The following MEIG1 variants were observed in gnomAD, a reference collection of about 807,000 sequenced individuals.
MEIG1 encodes the protein meiosis expressed gene 1 protein homolog.
Under a neutral mutation model 11.3 loss-of-function variants are expected in MEIG1, and 12 were observed. The observed-to-expected ratio is 1.07, with a 90% CI of 0.68 to 1.73. The LOEUF (loss-of-function observed/expected upper bound fraction) is 1.73, where lower values mean the gene tolerates loss of function less well. Among genes scored for constraint, MEIG1 ranks in the 40% most tolerant of loss-of-function variants. MEIG1 has a pLI of 0.00. For missense variants in MEIG1, 119 were observed against 104.9 expected (o/e 1.13, Z -0.59); for synonymous variants, 41 against 33.2 (o/e 1.24, Z -0.81).
chr10:14,985,365 G>A (rs749467981), intron 1 of MEIG1, among the ~76,000 whole-genome samples: 2 of 151,926 alleles, frequency 1.3e-5, no homozygotes, highest in Non-Finnish European at 2.9e-5. Flanking sequence ...CTAAAGGGAC[G>A]TTACTAGTAA....
chr10:14,981,363 C>A (rs1382894249), intron 1 of MEIG1, among the ~76,000 whole-genome samples: 1 of 152,126 alleles, frequency 6.6e-6, no homozygotes, highest in Non-Finnish European at 1.5e-5. Flanking sequence ...TGGCTCTCAG[C>A]TTGCTGAGCA....
chr10:14,958,479 G>A (rs1213111975), upstream of MEIG1, among the ~76,000 whole-genome samples: 1 of 152,170 alleles, frequency 6.6e-6, no homozygotes, highest in African/African-American at 2.4e-5. Context: ...TTAACAACGA[G>A]CTCAGAAAAA....
chr10:14,983,900 TTCAA>T (rs1164508964), intron 1 of MEIG1, among the ~76,000 whole-genome samples: 1 of 151,934 alleles, frequency 6.6e-6, no homozygotes, highest in Non-Finnish European at 1.5e-5. Context: ...TGATGTTACT[TTCAA>T]TATCGCATGG....
intron 1 of MEIG1, among the ~76,000 whole-genome samples, chr10:14,982,153 G>A (rs566982973): frequency 1.2e-4 from 19 of 152,254 alleles, no homozygotes; most frequent in African/African-American, 2.9e-4. Flanking sequence ...ACAGTCTCTC[G>A]TATAATTGTG....
At chr10:14,980,896 C>G (rs1843256372) in intron 1 of MEIG1, among the ~76,000 whole-genome samples, 1 of 152,158 alleles carries the variant, frequency 6.6e-6, no homozygotes, top group African/African-American at 2.4e-5. Flanking sequence ...CTGTCCTCAG[C>G]TGGCAGCAAC....
chr10:14,974,547 G>A (rs1338147643), downstream of MEIG1, among the ~76,000 whole-genome samples: 3 of 152,038 alleles, frequency 2.0e-5, no homozygotes, highest in Non-Finnish European at 4.4e-5. Context: ...GTTTTGGGTC[G>A]TAAACCAGCT....
chr10:14,964,271 C>A (rs1044054928), intron 1 of MEIG1, among the ~76,000 whole-genome samples: 10 of 151,990 alleles, frequency 6.6e-5, no homozygotes, highest in Admixed American at 2.6e-4. Context: ...TCTTTTTTTA[C>A]CAACCACTAA....
At chr10:14,955,050 G>A (rs942308922), upstream of MEIG1, among the ~76,000 whole-genome samples, 1 of 152,184 alleles carries the variant, frequency 6.6e-6, no homozygotes, top group African/African-American at 2.4e-5. Context: ...TCCTGCCTCA[G>A]CCTCCAGAGT....
At chr10:14,982,350 G>A (rs749628487) in intron 1 of MEIG1, among the ~76,000 whole-genome samples, 173 of 152,194 alleles carry the variant, frequency 1.1e-3, no homozygotes, top group Admixed American at 1.7e-3. Flanking sequence ...TACTCTTGGG[G>A]GTTTTGATAA....
At chr10:14,964,327 G>A (rs1156418956) in intron 1 of MEIG1, among the ~76,000 whole-genome samples, 1 of 151,830 alleles carries the variant, frequency 6.6e-6, no homozygotes, top group African/African-American at 2.4e-5. Flanking sequence ...ATATTTGTCT[G>A]AAATTCAGCA....
intron 1 of MEIG1, among the ~76,000 whole-genome samples, chr10:14,980,951 T>C (rs754427916): frequency 6.6e-6 from 1 of 152,156 alleles, no homozygotes; most frequent in African/African-American, 2.4e-5. Context: ...GGAAAGTCAG[T>C]GTAGCTTGAC....
upstream of MEIG1, among the ~76,000 whole-genome samples, chr10:14,955,405 G>A (rs1842919315): frequency 6.6e-6 from 1 of 152,146 alleles, no homozygotes. Context: ...GGGAAATCAG[G>A]AATCAGAATG....
intron 2 of MEIG1, among the ~76,000 whole-genome samples, chr10:14,969,562 C>G (rs1217561273): frequency 6.6e-6 from 1 of 152,090 alleles, no homozygotes; most frequent in Non-Finnish European, 1.5e-5. Context: ...GGGCTGGGCA[C>G]AGTGGCTCAC....
At chr10:14,969,594 G>A (rs1843126673) in intron 2 of MEIG1, among the ~76,000 whole-genome samples, 2 of 152,316 alleles carry the variant, frequency 1.3e-5, no homozygotes, top group African/African-American at 4.8e-5. Context: ...TAGCACTTTG[G>A]GAGGCAGAGG....
At chr10:14,987,529 A>C in intron 2 of MEIG1, 1 of 684,142 alleles carries the variant, frequency 1.5e-6, no homozygotes, top group Non-Finnish European at 2.7e-6. Context: ...AGCAATTCAC[A>C]AGGAACATCT....
At chr10:14,978,143 C>A (rs552819144) in intron 1 of MEIG1, among the ~76,000 whole-genome samples, 1 of 151,882 alleles carries the variant, frequency 6.6e-6, no homozygotes, top group South Asian at 2.1e-4. Context: ...GAGGTTACTC[C>A]TAATATCACA....
intron 1 of MEIG1, among the ~76,000 whole-genome samples, chr10:14,983,114 G>GA (rs1843281681): frequency 6.6e-6 from 1 of 152,052 alleles, no homozygotes; most frequent in South Asian, 2.1e-4. Context: ...AATGTTCAGG[G>GA]AGGGAGAGAG....
intron 1 of MEIG1, among the ~76,000 whole-genome samples, chr10:14,963,548 T>C (rs1843040023): frequency 6.6e-6 from 1 of 152,338 alleles, no homozygotes; most frequent in East Asian, 1.9e-4. Flanking sequence ...TGCTATTATA[T>C]TGTGCAGCAG....
chr10:14,986,799 C>T (rs554589058), exon 2 of MEIG1: 112 of 349,340 alleles, frequency 3.2e-4, no homozygotes, highest in South Asian at 2.2e-3. Flanking sequence ...TCCGTAGAGA[C>T]GGGGTTTCAC....
Sources: gnomAD v4.1 joint callset for allele counts (sites outside exome capture counted in the v4.1 genomes callset) on GRCh38, gnomAD v4.1.1 for gene constraint, MANE v1.5 for transcripts, NCBI Gene and HGNC (gene_info 2026-07-23, HGNC 2026-07-21) for gene names.